The following ARID1A variants were observed in gnomAD, a reference collection of about 807,000 sequenced individuals.
ARID1A encodes the protein AT-rich interaction domain 1A.
ARID1A carries 20 observed loss-of-function variants against 212.6 expected under a neutral mutation model. The observed-to-expected ratio is 0.09, with a 90% CI of 0.07 to 0.14. The LOEUF (loss-of-function observed/expected upper bound fraction) is 0.14, where lower values mean the gene tolerates loss of function less well. Ranked by LOEUF, ARID1A falls within the 10% of genes least tolerant of loss-of-function variation. The pLI, the probability that ARID1A is intolerant of heterozygous loss-of-function variation, is 1.00. For synonymous variants in ARID1A, 1,376 were observed against 1,222.1 expected (o/e 1.13, Z -2.63); for missense variants, 2,587 against 3,059.0 (o/e 0.85, Z 3.64).
chr1:26,708,266 CTTTTTTTTTTTTTTT>C lies in ARID1A; in HGVS notation c.1137+10748_1137+10762del, dbSNP rs397860721. On this transcript the variant is annotated intron_variant, in intron 1 of 19. Coordinates refer to ENST00000324856, the MANE Select transcript of ARID1A (RefSeq NM_006015.6). ...TCAGCCTTTAAGATACAGTCCTTCA[CTTTTTTTTTTTTTTT>C]TTTTTTTTTTTTTTTTTTTTTGAGA... Among the ~76,000 whole-genome samples, 236 of 23,746 alleles carry C rather than the reference CTTTTTTTTTTTTTTT, an allele frequency of 9.9e-3. 4 individuals carry two copies. Among genetic ancestry groups the C allele is most frequent in the East Asian group, 0.015 (5 of 344 alleles). 15.6% of individuals were successfully genotyped at this position (23,746 alleles called of 152,430 possible).
At chr1:26,754,406 A>AGCCACTGTTCTAGCCAC (rs1217578132) in intron 4 of ARID1A, among the ~76,000 whole-genome samples, 1 of 152,166 alleles carries the variant, frequency 6.6e-6, no homozygotes, top group Admixed American at 6.5e-5. Context: ...ACTGGTGGGT[A>AGCCACTGTTCTAGCCAC]TGTCTTAGAA....
chr1:26,729,042 TTA>T (rs1235505040), intron 1 of ARID1A: 3 of 152,716 alleles, frequency 2.0e-5, no homozygotes, highest in Non-Finnish European at 4.4e-5. Context: ...TCTGTTCTTC[TTA>T]TATCTTCAAA....
chr1:26,760,679 A>G (rs1054730495), intron 4 of ARID1A, among the ~76,000 whole-genome samples, 177 bp from the exon 5 acceptor site: 1 of 151,596 alleles, frequency 6.6e-6, no homozygotes, highest in Non-Finnish European at 1.5e-5. Flanking sequence ...CGAGTGAAAC[A>G]CTGTCTCAAA....
In ARID1A at chr1:26,780,864, C is replaced by G; in HGVS notation, c.*108C>G. On this transcript the variant is annotated 3_prime_UTR_variant, in exon 20 of 20. Transcript: ENST00000324856. The surrounding 1 kb of genome is among the most constrained non-coding windows in gnomAD (Gnocchi z 7.2). Reference sequence around the variant, plus strand: ...AAACCACCTCAGAATCCAGTTTACCCTGTGCTGTCCAGCTTCTCCCTTGGG... The same window carrying G: ...AAACCACCTCAGAATCCAGTTTACCGTGTGCTGTCCAGCTTCTCCCTTGGG... 7.0e-7 allele frequency: 1 copy of G among 1,423,542 alleles called. No homozygotes were observed. The highest frequency in any genetic ancestry group is 9.4e-7 in the Non-Finnish European group (1 of 1,065,588). The allele number at this position is 1,423,542 out of a possible 1,614,324, so 88.2% of individuals were successfully genotyped here.
At chr1:26,718,957 C>T (rs1372588376) in intron 1 of ARID1A, among the ~76,000 whole-genome samples, 2 of 152,114 alleles carry the variant, frequency 1.3e-5, no homozygotes, top group Non-Finnish European at 2.9e-5. Context: ...TTCAAAATAT[C>T]TTATTGTATG....
At chr1:26,761,258 T>C in intron 5 of ARID1A, 126 bp from the exon 6 acceptor site, 1 of 1,448,814 alleles carries the variant, frequency 6.9e-7, no homozygotes, top group Non-Finnish European at 9.4e-7. Flanking sequence ...TGGCTGGATC[T>C]CTTTGTGTGT....
Position 26,696,984 on chromosome 1 carries a change from C to T in ARID1A, c.581C>T (p.Pro194Leu), listed in dbSNP as rs764060744. ...LQSGGGGGLEPYAGPQQNSHD... is the reference protein window; with the variant it reads ...LQSGGGGGLELYAGPQQNSHD... ...AGCGGCGGCGGCGGGGGCCTGGAGCCCTACGCGGGGCCCCAGCAGAACTCT... is the reference window on the plus strand; with the variant it reads ...AGCGGCGGCGGCGGGGGCCTGGAGCTCTACGCGGGGCCCCAGCAGAACTCT... The change falls in exon 1 of 20, where the codon CCC (proline) becomes CTC (leucine). Residue 194 changes from proline to leucine, a missense_variant. Pro to Leu is a moderately conservative substitution (Grantham distance 98). This residue lies in a region of ARID1A where 735 missense variants were observed against 590.6 expected (regional missense o/e 1.24). Transcript: ENST00000324856. The T allele has an allele frequency of 9.6e-5, 145 of 1,506,112 alleles. No homozygotes were observed. The highest frequency in any genetic ancestry group is 1.3e-4 in the Non-Finnish European group (143 of 1,130,990). 93.3% of individuals were successfully genotyped at this position (1,506,112 alleles called of 1,614,324 possible).
At chr1:26,713,121 T>C (rs1186532281) in intron 1 of ARID1A, among the ~76,000 whole-genome samples, 2 of 152,226 alleles carry the variant, frequency 1.3e-5, no homozygotes, top group South Asian at 2.1e-4. Flanking sequence ...ATGAATACTT[T>C]AGTAAGGAAT....
chr1:26,739,043 C>A (rs1045182214), intron 4 of ARID1A, among the ~76,000 whole-genome samples: 1 of 151,848 alleles, frequency 6.6e-6, no homozygotes, highest in Admixed American at 6.6e-5. Context: ...CCCACCACCA[C>A]GCCTGGCTAA....
At chr1:26,718,017 C>T (rs534531850) in intron 1 of ARID1A, among the ~76,000 whole-genome samples, 5 of 152,272 alleles carry the variant, frequency 3.3e-5, no homozygotes, top group Non-Finnish European at 7.3e-5. Context: ...CTCTGTTGCT[C>T]AGGCTGGAGT....
At chr1:26,751,665 T>C (rs1166569289) in intron 4 of ARID1A, among the ~76,000 whole-genome samples, 1 of 152,258 alleles carries the variant, frequency 6.6e-6, no homozygotes. Flanking sequence ...GATAGTCACA[T>C]ATTCATGTCA....
intron 1 of ARID1A, among the ~76,000 whole-genome samples, chr1:26,704,102 A>C (rs1309036065): frequency 6.6e-6 from 1 of 152,202 alleles, no homozygotes; most frequent in Non-Finnish European, 1.5e-5. Flanking sequence ...CACATTGCAC[A>C]TCCATCTCCA....
chr1:26,697,406 C>A lies in ARID1A; in HGVS notation c.1003C>A (p.Gln335Lys), dbSNP rs2124744722. Residue 335 changes from glutamine (Q) to lysine (K), a missense_variant, in exon 1 of 20, where the codon CAG becomes AAG. Coordinates refer to ENST00000324856, the MANE Select transcript of ARID1A (RefSeq NM_006015.6). Reference sequence around the variant, plus strand: ...CAAGGGCCCGGCGGACATGGCCTCGCAGTGTTGGGGGGCTGCGGCGGCGGC... The same window carrying A: ...CAAGGGCCCGGCGGACATGGCCTCGAAGTGTTGGGGGGCTGCGGCGGCGGC... ...AGKGPADMAS[Q>K]CWGAAAAAAA... The A allele has an allele frequency of 2.2e-6, 3 of 1,339,428 alleles. No individual in the cohort carries two copies. The highest frequency in any genetic ancestry group is 2.8e-6 in the Non-Finnish European group (3 of 1,055,998). The allele number at this position is 1,339,428 out of a possible 1,614,324, so 83.0% of individuals were successfully genotyped here. A position where few individuals can be genotyped will look rare whatever the true frequency, so the allele number is the denominator to read the frequency against.
At chr1:26,708,501 G>T (rs2080417648) in intron 1 of ARID1A, among the ~76,000 whole-genome samples, 1 of 150,900 alleles carries the variant, frequency 6.6e-6, no homozygotes, top group African/African-American at 2.4e-5. Flanking sequence ...GGTCAGGCTG[G>T]TCCTGAACTC....
In ARID1A at chr1:26,696,975, G is replaced by A. The variant is rs910687692; in HGVS notation, c.572G>A (p.Gly191Asp). ...GCGCTGCAGAGCGGCGGCGGCGGGG[G>A]CCTGGAGCCCTACGCGGGGCCCCAG... is the stretch of plus-strand genomic sequence containing the variant. ...LAALQSGGGGGLEPYAGPQQN... is the reference protein window; with the variant it reads ...LAALQSGGGGDLEPYAGPQQN... The change falls in exon 1 of 20, where the codon GGC (glycine) becomes GAC (aspartate). Residue 191 changes from glycine to aspartate, a missense_variant. By Grantham distance (94) the Gly-to-Asp change is moderately conservative. Around this residue, in one of 11 missense-constraint regions of ARID1A, gnomAD observed 735 missense variants for 590.6 expected, o/e 1.24. Coordinates refer to ENST00000324856, the MANE Select transcript of ARID1A (RefSeq NM_006015.6). The A allele has an allele frequency of 1.3e-6, 2 of 1,496,574 alleles. No individual in the cohort carries two copies. The highest frequency in any genetic ancestry group is 1.8e-6 in the Non-Finnish European group (2 of 1,127,372). The allele number at this position is 1,496,574 out of a possible 1,614,324, so 92.7% of individuals were successfully genotyped here.
intron 10 of ARID1A, 38 bp from the exon 11 acceptor site, chr1:26,767,752 C>T (rs2081051666): frequency 6.5e-7 from 1 of 1,549,764 alleles, no homozygotes; most frequent in Non-Finnish European, 8.8e-7. Flanking sequence ...GGCTTTGAAT[C>T]TGACCCATTC....
At position 26,763,235 on chromosome 1, in the gene ARID1A, C is replaced by A. The variant is rs780513092; in HGVS notation, c.2682C>A (p.Thr894=). The stretch of plus-strand genomic sequence containing the variant: ...CACCAGGGGGCATGAACCGGAAAAC[C>A]CAAGAAACTGCTGTCGCCATGCATG... ...CPPPGGMNRK[T]QETAVAMHVA... Residue 894 remains threonine (T), a synonymous_variant, in exon 8 of 20, where the codon ACC becomes ACA. Transcript: ENST00000324856. 2.9e-5 allele frequency: 46 copies of A among 1,613,312 alleles called. No homozygotes were observed. The highest frequency in any genetic ancestry group is 3.8e-5 in the Non-Finnish European group (45 of 1,179,372).
intron 4 of ARID1A, among the ~76,000 whole-genome samples, chr1:26,747,361 A>C (rs2080848480): frequency 6.6e-6 from 1 of 152,224 alleles, no homozygotes; most frequent in Non-Finnish European, 1.5e-5. Context: ...CAAAGAAGCT[A>C]AGAATCCATG....
intron 1 of ARID1A, among the ~76,000 whole-genome samples, chr1:26,708,004 G>A (rs929705504): frequency 1.2e-4 from 18 of 152,086 alleles, no homozygotes; most frequent in African/African-American, 3.9e-4. Flanking sequence ...TCTTAAATGG[G>A]GTGAAAGACT....
Sources: allele counts gnomAD v4.1 joint callset (sites outside exome capture counted in the v4.1 genomes callset), GRCh38; gene constraint gnomAD v4.1.1; regional missense constraint gnomAD v4.1.1; non-coding constraint Gnocchi (gnomAD v3.1); transcripts MANE v1.5; gene names NCBI Gene and HGNC (gene_info 2026-07-23, HGNC 2026-07-21).